Variants in TRIM37 observed in about 807,000 individuals in gnomAD.
TRIM37 encodes tripartite motif containing 37, also known as E3 ubiquitin-protein ligase TRIM37.
A neutral mutation model predicts 129.8 loss-of-function variants in TRIM37; 80 were observed. That is an observed-to-expected ratio of 0.62 (90% CI 0.51 to 0.74). The LOEUF is 0.74. Among genes scored for constraint, TRIM37 ranks in the 30% least tolerant of loss-of-function variants. The pLI, the probability that TRIM37 is intolerant of heterozygous loss-of-function variation, is 0.00. For synonymous variants in TRIM37, 389 were observed against 387.1 expected (o/e 1.00, Z -0.06); for missense variants, 1,054 against 1,176.5 (o/e 0.90, Z 1.52).
intron 23 of TRIM37, among the ~76,000 whole-genome samples, 176 bp downstream of exon 23, chr17:59,001,422 C>A: frequency 1.4e-5 from 2 of 143,514 alleles, no homozygotes; most frequent in African/African-American, 2.6e-5. Flanking sequence ...TAATAGTTAA[C>A]CAAAGAATGT....
chr17:59,018,093 A>G (rs537740188), intron 19 of TRIM37, among the ~76,000 whole-genome samples: 6 of 152,260 alleles, frequency 3.9e-5, no homozygotes, highest in Non-Finnish European at 8.8e-5. Context: ...ACAAATTACA[A>G]TTATGGTACT....
In TRIM37 at chr17:58,998,555, A is replaced by T; in HGVS notation, c.*822T>A. On this transcript the variant is annotated 3_prime_UTR_variant, in exon 24 of 24. Coordinates refer to ENST00000262294, the MANE Select transcript of TRIM37 (RefSeq NM_015294.6). ...ACTGTGCAACATGAATGAATCTTTA[A>T]ATGTGTTGACACTGAAATCAATGTA... 1.0e-6 allele frequency: 1 copy of T among 985,422 alleles called. No homozygotes were observed. The highest frequency in any genetic ancestry group is 1.2e-6 in the Non-Finnish European group (1 of 829,906). The allele number at this position is 985,422 out of a possible 1,614,324, so 61.0% of individuals were successfully genotyped here.
chr17:59,029,546 T>C (rs1002501631), intron 18 of TRIM37, among the ~76,000 whole-genome samples: 2 of 152,148 alleles, frequency 1.3e-5, no homozygotes, highest in Non-Finnish European at 2.9e-5. Context: ...ATGAAGTTAA[T>C]CTGACAAATG....
intron 23 of TRIM37, among the ~76,000 whole-genome samples, chr17:59,000,923 G>A (rs2033639949): frequency 2.0e-5 from 3 of 152,022 alleles, no homozygotes; most frequent in East Asian, 1.9e-4. Flanking sequence ...GGCTGGGCAC[G>A]GTGGCTCACG....
intron 22 of TRIM37, among the ~76,000 whole-genome samples, chr17:59,008,411 T>A (rs2034818542): frequency 6.6e-6 from 1 of 152,210 alleles, no homozygotes; most frequent in Non-Finnish European, 1.5e-5. Flanking sequence ...TTTCAAAGAC[T>A]TGGAAAATGT....
Position 59,010,859 on chromosome 17 carries a change from A to T in TRIM37, c.2695+1469T>A, listed in dbSNP as rs536110600. ...TTTAAGCTACTACAATCCAGTATGT[A>T]TGGAGACACATAGAAAGTAACTATT... On this transcript the variant is annotated intron_variant, in intron 22 of 23. Transcript: ENST00000262294. 3.0e-4 allele frequency among the ~76,000 whole-genome samples: 45 copies of T among 152,216 alleles called. 1 individual carries two copies. In the Middle Eastern group the frequency reaches 0.01, roughly 35 times the overall value.
chr17:59,067,006 C>T (rs8182277), intron 9 of TRIM37, among the ~76,000 whole-genome samples: 98,958 of 151,918 alleles, frequency 0.65, 32,863 homozygotes, highest in African/African-American at 0.77. Context: ...AAAGAAATTA[C>T]TTTGCTTTTT....
intron 13 of TRIM37, among the ~76,000 whole-genome samples, chr17:59,053,623 G>A (rs1341084240): frequency 6.6e-6 from 1 of 152,090 alleles, no homozygotes; most frequent in African/African-American, 2.4e-5. Context: ...CGCTAATAAG[G>A]ATGAAATCAA....
At chr17:58,994,722 C>T (rs2032799793), downstream of TRIM37, among the ~76,000 whole-genome samples, 3 of 151,880 alleles carry the variant, frequency 2.0e-5, no homozygotes, top group African/African-American at 4.8e-5. Flanking sequence ...TGCTAAGGAA[C>T]AGCTGTCTAT....
chr17:59,006,396 T>A (rs557333344), intron 22 of TRIM37, among the ~76,000 whole-genome samples: 4 of 152,366 alleles, frequency 2.6e-5, no homozygotes, highest in East Asian at 1.9e-4. Flanking sequence ...ACTTGAGTTA[T>A]AACTCCCTTA....
intron 19 of TRIM37, among the ~76,000 whole-genome samples, chr17:59,019,036 C>T (rs554258371): frequency 6.6e-6 from 1 of 152,278 alleles, no homozygotes; most frequent in Admixed American, 6.5e-5. Flanking sequence ...CTGGAGCCCT[C>T]ATATACTGCT....
intron 20 of TRIM37, among the ~76,000 whole-genome samples, 178 bp downstream of exon 20, chr17:59,017,118 C>T (rs1331311632): frequency 1.3e-5 from 2 of 152,012 alleles, no homozygotes; most frequent in Non-Finnish European, 2.9e-5. Flanking sequence ...GAGCCAAGAT[C>T]GCACCACTGC....
chr17:59,047,728 G>A lies in TRIM37; in HGVS notation c.1622C>T (p.Thr541Ile), dbSNP rs2039960678. The A allele has an allele frequency of 6.2e-7, 1 of 1,613,856 alleles. No individual in the cohort carries two copies. The highest frequency in any genetic ancestry group is 1.7e-5 in the Admixed American group (1 of 59,994). ...LDGSSSSASS[T>I]ATSNTEENDI... Reference sequence around the variant, plus strand: ...ATTTTCTTCTGTATTACTTGTTGCTGTGGAACTAGCAGAGGAACTGCTGCC... The same window carrying A: ...ATTTTCTTCTGTATTACTTGTTGCTATGGAACTAGCAGAGGAACTGCTGCC... Residue 541 changes from threonine (T) to isoleucine (I), a missense_variant, in exon 16 of 24, where the codon ACA (threonine) becomes ATA (isoleucine). Physicochemically the swap from Thr to Ile is moderately conservative, Grantham distance 89 (BLOSUM62 -1). Coordinates refer to ENST00000262294, the MANE Select transcript of TRIM37 (RefSeq NM_015294.6).
chr17:59,065,662 A>G (rs1243256857), intron 9 of TRIM37, among the ~76,000 whole-genome samples: 2 of 152,234 alleles, frequency 1.3e-5, no homozygotes, highest in Non-Finnish European at 2.9e-5. Context: ...TTTGATATAT[A>G]AAATTACAAA....
the TRIM37 span, among the ~76,000 whole-genome samples, chr17:58,972,622 A>C: frequency 6.6e-6 from 1 of 152,152 alleles, no homozygotes; most frequent in Non-Finnish European, 1.5e-5. Context: ...AAGTACTGGG[A>C]TTATAGGCGT....
intron 4 of TRIM37, among the ~76,000 whole-genome samples, chr17:59,084,676 G>A (rs1291311362): frequency 6.6e-6 from 1 of 152,150 alleles, no homozygotes; most frequent in African/African-American, 2.4e-5. Flanking sequence ...CCCCCAGTGT[G>A]AATGTATTTG....
At chr17:59,047,914 T>C (rs1200389274) in intron 15 of TRIM37, 95 bp from the exon 16 acceptor site, 40 of 1,476,916 alleles carry the variant, frequency 2.7e-5, no homozygotes, top group Non-Finnish European at 1.9e-5. Flanking sequence ...CAAAGAATAA[T>C]ACAGTTTTCA....
the TRIM37 span, among the ~76,000 whole-genome samples, chr17:58,973,951 CAAAAAAAAAAAA>C: frequency 2.0e-4 from 11 of 55,468 alleles, no homozygotes; most frequent in Non-Finnish European, 1.6e-4. Flanking sequence ...GACTCCATCT[CAAAAAAAAAAAA>C]AAAAAAAAAA....
intron 22 of TRIM37, among the ~76,000 whole-genome samples, chr17:59,009,125 T>C (rs1012015350): frequency 1.1e-4 from 16 of 152,144 alleles, no homozygotes; most frequent in African/African-American, 3.9e-4. Context: ...AGTTCTTTTT[T>C]TTCTTTTCTT....
Sources: allele counts gnomAD v4.1 joint callset (sites outside exome capture counted in the v4.1 genomes callset), GRCh38; gene constraint gnomAD v4.1.1; transcripts MANE v1.5; gene names NCBI Gene and HGNC (gene_info 2026-07-23, HGNC 2026-07-21).